AFF2: variants seen among roughly 807,000 people sequenced by gnomAD.
The protein encoded by AFF2 is AF4/FMR2 family member 2.
In AFF2, 14 loss-of-function variants were observed where a neutral mutation model predicts 76.9. That is an observed-to-expected ratio of 0.18 (90% CI 0.12 to 0.28). AFF2 has a LOEUF of 0.28. AFF2 is among the 10% of genes least tolerant of loss of function. The pLI, the probability that AFF2 is intolerant of heterozygous loss-of-function variation, is 1.00. For synonymous variants in AFF2, 398 were observed against 366.7 expected, an observed-to-expected ratio of 1.09 and a Z score of -0.98; for missense variants, 868 against 1,001.1, an observed-to-expected ratio of 0.87 and a Z score of 1.79.
At chrX:148,656,362 C>T (rs2054251122) in intron 2 of AFF2, among the ~76,000 whole-genome samples, 1 of 111,894 alleles carries the variant, frequency 8.9e-6, no homozygotes, top group South Asian at 3.7e-4. Context: ...AAGTGCATGC[C>T]AGCTTACTGT....
At chrX:148,517,568 C>G (rs782201153) in intron 1 of AFF2, among the ~76,000 whole-genome samples, 54 of 111,857 alleles carry the variant, frequency 4.8e-4, no homozygotes, top group Non-Finnish European at 8.8e-4. Flanking sequence ...CAAAATCTAA[C>G]CCTTAGTACA....
chrX:148,701,012 A>AGAATGTGTG (rs782232655), intron 3 of AFF2, among the ~76,000 whole-genome samples: 75 of 73,735 alleles, frequency 1.0e-3, no homozygotes, highest in Middle Eastern at 8.0e-3. Context: ...GAGAGAGAGA[A>AGAATGTGTG]TGTGTGTGTG....
chrX:148,747,340 CAAAT>C (rs2055433394), intron 3 of AFF2, among the ~76,000 whole-genome samples: 1 of 111,285 alleles, frequency 9.0e-6, no homozygotes, highest in African/African-American at 3.3e-5. Flanking sequence ...AGGAGCTTGA[CAAAT>C]AATTTTTGAA....
intron 1 of AFF2, among the ~76,000 whole-genome samples, chrX:148,544,936 G>A (rs946314865): frequency 8.9e-6 from 1 of 112,151 alleles, no homozygotes; most frequent in African/African-American, 3.2e-5. Flanking sequence ...TATTACTATG[G>A]TGTTCTAATG....
At chrX:148,708,638 T>C (rs1199744128) in intron 3 of AFF2, among the ~76,000 whole-genome samples, 2 of 112,156 alleles carry the variant, frequency 1.8e-5, no homozygotes, top group Non-Finnish European at 3.8e-5. Context: ...CACTTGAACC[T>C]GGGAGGCGGA....
chrX:148,881,761 C>CAATAAT (rs1180459075), intron 7 of AFF2, among the ~76,000 whole-genome samples: 3 of 111,139 alleles, frequency 2.7e-5, no homozygotes, highest in Admixed American at 1.9e-4. Context: ...ATTCCTTTGA[C>CAATAAT]AATAATAATA....
intron 1 of AFF2, among the ~76,000 whole-genome samples, chrX:148,609,025 A>T (rs1215848602): frequency 9.0e-6 from 1 of 111,422 alleles, no homozygotes; most frequent in Non-Finnish European, 1.9e-5. Context: ...ACTTTTACCC[A>T]TGCTGACATT....
At chrX:148,889,703 G>T (rs2071201038) in intron 8 of AFF2, among the ~76,000 whole-genome samples, 1 of 111,887 alleles carries the variant, frequency 8.9e-6, no homozygotes, top group Non-Finnish European at 1.9e-5. Context: ...AAGGTGGTGG[G>T]ACAATGCTGG....
In AFF2 at chrX:148,993,947, T is replaced by A. The variant is rs2072562861; in HGVS notation, c.*2615T>A. 1 of 112,402 alleles carries A rather than the reference T, an allele frequency of 8.9e-6. No homozygotes were observed. The highest frequency in any genetic ancestry group is 1.9e-5 in the Non-Finnish European group (1 of 53,266). 9.3% of individuals were successfully genotyped at this position (112,402 alleles called of 1,213,427 possible). ...ATCACAGTGTAAATGGTGATGCGTGTCGTAGGTGTGCAGCTATTTGAGGGA... is the reference window on the plus strand; with the variant it reads ...ATCACAGTGTAAATGGTGATGCGTGACGTAGGTGTGCAGCTATTTGAGGGA... On this transcript the variant is annotated 3_prime_UTR_variant, in exon 21 of 21. Transcript: ENST00000370460.
intron 7 of AFF2, among the ~76,000 whole-genome samples, chrX:148,846,574 G>A (rs781938554): frequency 1.8e-5 from 2 of 111,422 alleles, no homozygotes; most frequent in Non-Finnish European, 3.8e-5. Flanking sequence ...AATACTTTCT[G>A]GAGGAGAAAA....
chrX:148,856,525 A>G (rs1335103237), intron 7 of AFF2, among the ~76,000 whole-genome samples: 1 of 111,172 alleles, frequency 9.0e-6, no homozygotes, highest in East Asian at 2.8e-4. Flanking sequence ...CTCCAATCTC[A>G]GAGTCCACCT....
chrX:148,868,066 A>G (rs1435043101), intron 7 of AFF2, among the ~76,000 whole-genome samples: 2 of 110,871 alleles, frequency 1.8e-5, no homozygotes, highest in African/African-American at 6.6e-5. Context: ...AGCACCTACT[A>G]CAATTGAAGA....
At chrX:148,579,874 A>G (rs184912121) in intron 1 of AFF2, among the ~76,000 whole-genome samples, 61 of 111,734 alleles carry the variant, frequency 5.5e-4, no homozygotes, top group African/African-American at 1.9e-3. Context: ...TATGAAGGAC[A>G]TGGAGGAGTG....
chrX:148,656,267 T>A (rs1244166370), intron 2 of AFF2, among the ~76,000 whole-genome samples: 1 of 111,517 alleles, frequency 9.0e-6, no homozygotes, highest in African/African-American at 3.3e-5. Context: ...TTGAGAAGGA[T>A]GTCTTCAAAT....
At chrX:148,873,965 G>C (rs1343940614) in intron 7 of AFF2, among the ~76,000 whole-genome samples, 1 of 111,714 alleles carries the variant, frequency 9.0e-6, no homozygotes, top group Non-Finnish European at 1.9e-5. Flanking sequence ...ATTGGGGTCT[G>C]CTATTCTCCA....
chrX:148,886,494 T>C (rs1348794262), intron 8 of AFF2, among the ~76,000 whole-genome samples: 3 of 112,221 alleles, frequency 2.7e-5, no homozygotes, highest in African/African-American at 9.7e-5. Flanking sequence ...TGGCAAAAAC[T>C]TGTGGCTGCC....
At chrX:148,871,596 C>T (rs902033360) in intron 7 of AFF2, among the ~76,000 whole-genome samples, 1 of 111,906 alleles carries the variant, frequency 8.9e-6, no homozygotes, top group Non-Finnish European at 1.9e-5. Context: ...AATTGGCAGC[C>T]CACATTAACC....
intron 3 of AFF2, among the ~76,000 whole-genome samples, chrX:148,754,097 T>C (rs782132369): frequency 1.5e-4 from 17 of 111,612 alleles, no homozygotes; most frequent in Non-Finnish European, 2.8e-4. Context: ...GAGGAAGGCA[T>C]AATGATAAGA....
At chrX:148,764,664 A>G (rs1436219872) in intron 3 of AFF2, among the ~76,000 whole-genome samples, 2 of 112,411 alleles carry the variant, frequency 1.8e-5, no homozygotes, top group African/African-American at 3.2e-5. Flanking sequence ...GTGTACTTAC[A>G]TATACACATG....
Sources: gnomAD v4.1 joint callset for allele counts (sites outside exome capture counted in the v4.1 genomes callset) on GRCh38, gnomAD v4.1.1 for gene constraint, MANE v1.5 for transcripts, NCBI Gene and HGNC (gene_info 2026-07-23, HGNC 2026-07-21) for gene names.